SNX7: variants seen among roughly 807,000 people sequenced by gnomAD.
SNX7 encodes sorting nexin 7, also known as sorting nexin-7.
A neutral mutation model predicts 48.4 loss-of-function variants in SNX7; 35 were observed. That is an observed-to-expected ratio of 0.72 (90% CI 0.55 to 0.96). SNX7 has a LOEUF of 0.96. SNX7 is among the 40% of genes least tolerant of loss of function. The probability of loss-of-function intolerance (pLI) is 0.00; values close to 1 mark genes in which losing one functional copy is unlikely to be tolerated. For missense variants in SNX7, 553 were observed against 548.9 expected, an observed-to-expected ratio of 1.01 and a Z score of -0.07; for synonymous variants, 190 against 190.2, an observed-to-expected ratio of 1.00 and a Z score of 0.01.
rs950826766 is a variant in SNX7 at position 98,760,311 on chromosome 1, T to A, written c.*180T>A. 3.4e-6 allele frequency: 2 copies of A among 581,270 alleles called. No homozygotes were observed. The highest frequency in any genetic ancestry group is 2.9e-5 in the Admixed American group (1 of 34,266). The allele number at this position is 581,270 out of a possible 1,614,324, so 36.0% of individuals were successfully genotyped here. On this transcript the variant is annotated 3_prime_UTR_variant, in exon 9 of 9. Transcript: ENST00000306121. Reference sequence around the variant, plus strand: ...TGACATGAATTTGAAGATATATCTATCTGTATGGATATATATCTATATGTA... The same window carrying A: ...TGACATGAATTTGAAGATATATCTAACTGTATGGATATATATCTATATGTA...
At position 98,691,914 on chromosome 1, in the gene SNX7, T is replaced by TACACAC. The variant is rs1553199327; in HGVS notation, c.639+234_639+239dup. Among the ~76,000 whole-genome samples, 674 of 133,552 alleles carry TACACAC rather than the reference T, an allele frequency of 5.0e-3. 4 individuals are homozygous for TACACAC. The highest frequency in any genetic ancestry group is 5.1e-3 in the Non-Finnish European group (322 of 62,984). The allele number at this position is 133,552 out of a possible 152,430, so 87.6% of individuals were successfully genotyped here. A position where few individuals can be genotyped will look rare whatever the true frequency, so the allele number is the denominator to read the frequency against. ...AAATCTTGTATCTTCTCCATATATATACACACACACACACACACACACACT... is the reference window on the plus strand; with the variant it reads ...AAATCTTGTATCTTCTCCATATATATACACACACACACACACACACACACACACACT... On this transcript the variant is annotated intron_variant, in intron 4 of 8. Transcript: ENST00000306121.
At chr1:98,696,201 G>A (rs1651448490) in intron 5 of SNX7, among the ~76,000 whole-genome samples, 1 of 150,532 alleles carries the variant, frequency 6.6e-6, no homozygotes, top group South Asian at 2.1e-4. Flanking sequence ...CAGAATTGTT[G>A]GTGAATTTTT....
At chr1:98,682,971 C>T (rs1321687255) in intron 1 of SNX7, among the ~76,000 whole-genome samples, 1 of 152,122 alleles carries the variant, frequency 6.6e-6, no homozygotes, top group Non-Finnish European at 1.5e-5. Context: ...GATTTTCAGA[C>T]TTTCTGTTGC....
In SNX7 at chr1:98,738,892, T is replaced by A. The variant is rs1014340671; in HGVS notation, c.1278+503T>A. ...GCTGACTTTTCTCAGAGAAGTTTTTTTTTTATTGTAAACATACTTTTTCTA... is the reference window on the plus strand; with the variant it reads ...GCTGACTTTTCTCAGAGAAGTTTTTATTTTATTGTAAACATACTTTTTCTA... On this transcript the variant is annotated intron_variant, in intron 8 of 8. Coordinates refer to ENST00000306121, the MANE Select transcript of SNX7 (RefSeq NM_015976.5). Among the ~76,000 whole-genome samples, 8 of 152,328 alleles carry A rather than the reference T, an allele frequency of 5.3e-5. 1 individual carries two copies. In the South Asian group the frequency reaches 1.7e-3, roughly 32 times the overall value.
At chr1:98,714,822 C>A (rs1183182801) in intron 7 of SNX7, among the ~76,000 whole-genome samples, 1 of 152,112 alleles carries the variant, frequency 6.6e-6, no homozygotes, top group Non-Finnish European at 1.5e-5. Context: ...ATGTGTAGGC[C>A]TTGAGTTTTC....
chr1:98,728,772 C>T (rs558209215), intron 7 of SNX7, among the ~76,000 whole-genome samples: 15 of 152,218 alleles, frequency 9.9e-5, no homozygotes, highest in Admixed American at 2.0e-4. Context: ...GCACCAAATA[C>T]GGGAGCATCC....
At chr1:98,688,419 G>T (rs930528617) in intron 2 of SNX7, among the ~76,000 whole-genome samples, 15 of 152,148 alleles carry the variant, frequency 9.9e-5, no homozygotes, top group African/African-American at 3.1e-4. Context: ...CGTTCTCTTA[G>T]TACATATAAG....
intron 1 of SNX7, among the ~76,000 whole-genome samples, chr1:98,667,593 G>C (rs1453955538): frequency 6.6e-6 from 1 of 151,688 alleles, no homozygotes; most frequent in Admixed American, 6.6e-5. Flanking sequence ...TGTTGTCCAG[G>C]CTGGTCTCGA....
intron 8 of SNX7, among the ~76,000 whole-genome samples, chr1:98,752,239 C>A (rs1212400908): frequency 4.6e-5 from 7 of 151,906 alleles, no homozygotes; most frequent in Non-Finnish European, 8.8e-5. Context: ...CAATATATTT[C>A]TTGAGTTTTT....
rs148884845 is a variant in SNX7 at position 98,728,066 on chromosome 1, A to G, written c.1126-10171A>G. On this transcript the variant is annotated intron_variant, in intron 7 of 8. Transcript: ENST00000306121. The stretch of plus-strand genomic sequence containing the variant: ...AGTAAGATATTCCATGAGAAGATCA[A>G]TCCCAAGACACATAATCTTCAGATT... Among the ~76,000 whole-genome samples, 1,131 of 152,278 alleles carry G rather than the reference A, an allele frequency of 7.4e-3. 11 individuals are homozygous for G. The highest frequency in any genetic ancestry group is 0.026 in the African/African-American group (1,092 of 41,548).
intron 8 of SNX7, among the ~76,000 whole-genome samples, chr1:98,738,642 C>T (rs1043310860): frequency 1.3e-5 from 2 of 152,114 alleles, no homozygotes; most frequent in African/African-American, 4.8e-5. Context: ...CTTTCCTCTC[C>T]CTTCTCCATT....
At chr1:98,697,178 A>G (rs369108606) in intron 5 of SNX7, among the ~76,000 whole-genome samples, 48 of 152,216 alleles carry the variant, frequency 3.2e-4, no homozygotes, top group African/African-American at 9.1e-4. Context: ...TTAGTTCAGT[A>G]TGGTCATTAT....
chr1:98,668,214 A>G lies in SNX7; in HGVS notation c.180+6303A>G, dbSNP rs145663295. 7.9e-3 allele frequency among the ~76,000 whole-genome samples: 1,206 copies of G among 152,316 alleles called. 21 individuals carry two copies. Among genetic ancestry groups the G allele is most frequent in the African/African-American group, 0.023 (945 of 41,568 alleles). ...CCTTGTATAGGACCATTTTATGTGC[A>G]AACATTCCTAGTGGTTTTCAGTGAC... is the stretch of plus-strand genomic sequence containing the variant. On this transcript the variant is annotated intron_variant, in intron 1 of 8. Coordinates refer to ENST00000306121, the MANE Select transcript of SNX7 (RefSeq NM_015976.5).
intron 1 of SNX7, among the ~76,000 whole-genome samples, chr1:98,677,998 T>C (rs879743665): frequency 7.1e-6 from 1 of 141,360 alleles, no homozygotes; most frequent in African/African-American, 3.0e-5. Flanking sequence ...TGCGTGTGTG[T>C]GTGTGTGTGT....
At chr1:98,752,250 C>CTATATAAA (rs1169754610) in intron 8 of SNX7, among the ~76,000 whole-genome samples, 7 of 151,806 alleles carry the variant, frequency 4.6e-5, no homozygotes, top group Non-Finnish European at 8.8e-5. Context: ...TTGAGTTTTT[C>CTATATAAA]CTTAGGTTTC....
At chr1:98,676,776 T>C (rs1170043204) in intron 1 of SNX7, among the ~76,000 whole-genome samples, 1 of 152,246 alleles carries the variant, frequency 6.6e-6, no homozygotes, top group Non-Finnish European at 1.5e-5. Flanking sequence ...TTGTACTATA[T>C]TAATGCATTT....
At chr1:98,717,697 C>G (rs1369867616) in intron 7 of SNX7, among the ~76,000 whole-genome samples, 2 of 152,006 alleles carry the variant, frequency 1.3e-5, no homozygotes, top group African/African-American at 2.4e-5. Flanking sequence ...ATTGACCTGC[C>G]TTGTTTATCT....
At chr1:98,751,088 G>A (rs1022636819) in intron 8 of SNX7, among the ~76,000 whole-genome samples, 8 of 152,054 alleles carry the variant, frequency 5.3e-5, no homozygotes, top group Non-Finnish European at 1.2e-4. Flanking sequence ...AAATTTGCCT[G>A]AAGTCACACT....
At chr1:98,679,971 T>C (rs567452634) in intron 1 of SNX7, among the ~76,000 whole-genome samples, 1 of 152,308 alleles carries the variant, frequency 6.6e-6, no homozygotes, top group African/African-American at 2.4e-5. Flanking sequence ...GGTGCCCCAG[T>C]AGGGACTCTG....
Sources: allele counts gnomAD v4.1 joint callset (sites outside exome capture counted in the v4.1 genomes callset), GRCh38; gene constraint gnomAD v4.1.1; transcripts MANE v1.5; gene names NCBI Gene and HGNC (gene_info 2026-07-23, HGNC 2026-07-21).